PDE6C: variants seen among roughly 807,000 people sequenced by gnomAD.
PDE6C encodes cone cGMP-specific 3',5'-cyclic phosphodiesterase subunit alpha'.
PDE6C carries 75 observed loss-of-function variants against 113.1 expected under a neutral mutation model. The ratio of observed to expected loss-of-function variants is 0.66; its 90% CI spans 0.55 to 0.80. PDE6C has a LOEUF of 0.80. Ranked by LOEUF, PDE6C falls within the 30% of genes least tolerant of loss-of-function variation. The pLI, the probability that PDE6C is intolerant of heterozygous loss-of-function variation, is 0.00. For synonymous variants in PDE6C, 375 were observed against 363.7 expected (o/e 1.03, Z -0.35); for missense variants, 912 against 1,038.6 (o/e 0.88, Z 1.67).
chr10:93,654,684 G>C (rs1490514480), intron 15 of PDE6C, among the ~76,000 whole-genome samples: 2 of 151,928 alleles, frequency 1.3e-5, no homozygotes, highest in African/African-American at 4.8e-5. Context: ...CATTTGGCCT[G>C]TATGACTAAA....
Position 93,625,620 on chromosome 10 carries a change from T to C in PDE6C, c.910T>C (p.Tyr304His). Residue 304 changes from tyrosine (Y) to histidine (H), a missense_variant, in exon 5 of 22, where the codon TAT (tyrosine) becomes CAT (histidine). Transcript: ENST00000371447. ...WPIKLGEVEP[Y>H]KGPKTPDGRE... Reference sequence around the variant, plus strand: ...AATCAAGCTTGGAGAAGTAGAGCCTTATAAAGGTCCAAAGACACCTGATGG... The same window carrying C: ...AATCAAGCTTGGAGAAGTAGAGCCTCATAAAGGTCCAAAGACACCTGATGG... The C allele has an allele frequency of 6.2e-7, 1 of 1,613,558 alleles. No homozygotes were observed. Among genetic ancestry groups the C allele is most frequent in the Non-Finnish European group, 8.5e-7 (1 of 1,179,492 alleles).
chr10:93,619,520 G>A (rs373340428), intron 1 of PDE6C, among the ~76,000 whole-genome samples: 13 of 152,096 alleles, frequency 8.5e-5, no homozygotes, highest in East Asian at 3.9e-4. Flanking sequence ...TCTGTCTCCC[G>A]GGTTCAAGCG....
intron 4 of PDE6C, among the ~76,000 whole-genome samples, chr10:93,624,302 C>T (rs761368303): frequency 1.2e-4 from 18 of 152,084 alleles, no homozygotes; most frequent in Non-Finnish European, 2.6e-4. Context: ...GGCTGGAGTG[C>T]AGTGGCATGA....
Position 93,650,380 on chromosome 10 carries a change from G to T in PDE6C, c.1935+4333G>T, listed in dbSNP as rs78116411. ...TCCTACCTCTGCCTCCCAAGTAGCT[G>T]GGACTACAGACATGAGTCTCTATAC... On this transcript the variant is annotated intron_variant, in intron 15 of 21. Coordinates refer to ENST00000371447, the MANE Select transcript of PDE6C (RefSeq NM_006204.4). Among the ~76,000 whole-genome samples the T allele has an allele frequency of 1.0e-2, 1,521 of 152,214 alleles. 22 individuals carry two copies. Among genetic ancestry groups the T allele is most frequent in the East Asian group, 0.061 (316 of 5,176 alleles).
intron 4 of PDE6C, among the ~76,000 whole-genome samples, chr10:93,625,371 C>T (rs1429040212): frequency 6.6e-6 from 1 of 152,156 alleles, no homozygotes; most frequent in African/African-American, 2.4e-5. Context: ...ATTGTTATCC[C>T]TATTTTACAG....
Position 93,665,495 on chromosome 10 carries a change from C to A in PDE6C, c.*77C>A. 1.1e-6 allele frequency: 1 copy of A among 948,386 alleles called. No individual in the cohort carries two copies. Among genetic ancestry groups the A allele is most frequent in the Non-Finnish European group, 1.7e-6 (1 of 577,900 alleles). 58.7% of individuals were successfully genotyped at this position (948,386 alleles called of 1,614,324 possible). On this transcript the variant is annotated 3_prime_UTR_variant, in exon 22 of 22. Transcript: ENST00000371447. ...CAGAAAACATTCAAAAGAACTTCAACAAATCATCACGTAACAGGATCTTCA... is the reference window on the plus strand; with the variant it reads ...CAGAAAACATTCAAAAGAACTTCAAAAAATCATCACGTAACAGGATCTTCA...
chr10:93,631,142 G>A (rs2058499745), intron 8 of PDE6C, among the ~76,000 whole-genome samples: 1 of 152,234 alleles, frequency 6.6e-6, no homozygotes, highest in Non-Finnish European at 1.5e-5. Flanking sequence ...CCTGGGCAGA[G>A]AGGAGGCCTG....
At chr10:93,661,964 CTG>C (rs2058667895) in intron 18 of PDE6C, 93 bp from the exon 19 acceptor site, 4 of 811,690 alleles carry the variant, frequency 4.9e-6, no homozygotes, top group Admixed American at 1.7e-5. Flanking sequence ...CAAACATTGA[CTG>C]TAAACTCGAT....
Position 93,635,596 on chromosome 10 carries a change from A to G in PDE6C, c.1369A>G (p.Met457Val), listed in dbSNP as rs777742297. ...NRKDIAQEMLMNQTKATPEEI... is the reference protein window; with the variant it reads ...NRKDIAQEMLVNQTKATPEEI... The stretch of plus-strand genomic sequence containing the variant: ...AAAGGACATTGCTCAGGAAATGCTC[A>G]TGAACCAAACCAAAGCCACTCCTGA... The change falls in exon 10 of 22, where the codon ATG becomes GTG. Residue 457 changes from methionine (M) to valine (V), a missense_variant. Transcript: ENST00000371447. 1.9e-6 allele frequency: 3 copies of G among 1,614,078 alleles called. No individual in the cohort carries two copies. The highest frequency in any genetic ancestry group is 1.3e-5 in the African/African-American group (1 of 75,070).
chr10:93,644,777 C>T (rs1275182773), intron 14 of PDE6C, among the ~76,000 whole-genome samples: 10 of 103,472 alleles, frequency 9.7e-5, no homozygotes, highest in African/African-American at 2.0e-4. Context: ...AAATGTGGTG[C>T]GTGTATATAT....
chr10:93,640,908 T>A lies in PDE6C; in HGVS notation c.1738-12T>A. 6.6e-7 allele frequency: 1 copy of A among 1,514,082 alleles called. No homozygotes were observed. Among genetic ancestry groups the A allele is most frequent in the East Asian group, 2.3e-5 (1 of 44,344 alleles). 93.8% of individuals were successfully genotyped at this position (1,514,082 alleles called of 1,614,324 possible). A position where few individuals can be genotyped will look rare whatever the true frequency, so the allele number is the denominator to read the frequency against. On this transcript the variant is annotated splice_polypyrimidine_tract_variant and intron_variant, in intron 13 of 21. Transcript: ENST00000371447. ...TAAATTATAGATATGCATATATATG[T>A]TATTTTTTTAGACAGGAAGATTAAA...
chr10:93,665,556 T>C lies in PDE6C; in HGVS notation c.*138T>C, dbSNP rs975976781. 1.1e-4 allele frequency: 70 copies of C among 663,888 alleles called. No individual in the cohort carries two copies. Among genetic ancestry groups the C allele is most frequent in the Middle Eastern group, 4.1e-4 (1 of 2,444 alleles). 41.1% of individuals were successfully genotyped at this position (663,888 alleles called of 1,614,324 possible). A position where few individuals can be genotyped will look rare whatever the true frequency, so the allele number is the denominator to read the frequency against. Reference sequence around the variant, plus strand: ...CCTGTGACTATGAAGAAAATATATATTGCTAGCCCAAAAATCCCAGGGGCA... The same window carrying C: ...CCTGTGACTATGAAGAAAATATATACTGCTAGCCCAAAAATCCCAGGGGCA... On this transcript the variant is annotated 3_prime_UTR_variant, in exon 22 of 22. Coordinates refer to ENST00000371447, the MANE Select transcript of PDE6C (RefSeq NM_006204.4).
intron 16 of PDE6C, among the ~76,000 whole-genome samples, chr10:93,658,608 G>A (rs574314869): frequency 6.6e-6 from 1 of 152,064 alleles, no homozygotes; most frequent in Admixed American, 6.5e-5. Context: ...ACTGCACCCG[G>A]CCTTATATGT....
intron 14 of PDE6C, among the ~76,000 whole-genome samples, chr10:93,642,914 C>T (rs553599290): frequency 6.6e-6 from 1 of 152,292 alleles, no homozygotes; most frequent in African/African-American, 2.4e-5. Flanking sequence ...ATCTTCATCT[C>T]AAAGGTTCCA....
chr10:93,619,757 A>G (rs542612276), intron 1 of PDE6C, among the ~76,000 whole-genome samples: 25 of 152,286 alleles, frequency 1.6e-4, no homozygotes, highest in South Asian at 6.2e-4. Flanking sequence ...AAAGTAATCT[A>G]TGTAAAGAAA....
At chr10:93,637,151 A>C in intron 11 of PDE6C, 88 bp downstream of exon 11, 1 of 734,876 alleles carries the variant, frequency 1.4e-6, no homozygotes, top group Non-Finnish European at 2.4e-6. Flanking sequence ...TTGTTTTTCA[A>C]GTAAATGTTG....
chr10:93,625,744 C>A (rs1263718497), intron 5 of PDE6C, 95 bp downstream of exon 5: 1 of 819,402 alleles, frequency 1.2e-6, no homozygotes, highest in African/African-American at 1.7e-5. Context: ...CTGGGAAGAC[C>A]TGGAGTAGTA....
chr10:93,644,746 C>CT (rs2058574896), intron 14 of PDE6C, among the ~76,000 whole-genome samples: 2 of 147,844 alleles, frequency 1.4e-5, no homozygotes, highest in South Asian at 4.3e-4. Context: ...CACCAAACTA[C>CT]TCTCTATCTT....
intron 21 of PDE6C, 84 bp from the exon 22 acceptor site, chr10:93,665,276 G>T: frequency 9.8e-7 from 1 of 1,020,858 alleles, no homozygotes; most frequent in South Asian, 1.3e-5. Flanking sequence ...CTACAAAGTT[G>T]ACACTACTAT....
Sources: gnomAD v4.1 joint callset for allele counts (sites outside exome capture counted in the v4.1 genomes callset) on GRCh38, gnomAD v4.1.1 for gene constraint, MANE v1.5 for transcripts, NCBI Gene and HGNC (gene_info 2026-07-23, HGNC 2026-07-21) for gene names.